The following DNAH9 variants were observed in gnomAD, a reference collection of about 807,000 sequenced individuals.
The protein encoded by DNAH9 is dynein axonemal heavy chain 9.
DNAH9 carries 345 observed loss-of-function variants against 471.6 expected under a neutral mutation model. The ratio of observed to expected loss-of-function variants is 0.73; its 90% CI spans 0.67 to 0.80. The LOEUF is 0.80. DNAH9 is among the 30% of genes least tolerant of loss of function. The probability of loss-of-function intolerance (pLI) is 0.00; values close to 1 mark genes in which losing one functional copy is unlikely to be tolerated. For synonymous variants in DNAH9, 2,093 were observed against 2,123.6 expected (o/e 0.99, Z 0.40); for missense variants, 5,407 against 5,609.2 (o/e 0.96, Z 1.15).
At chr17:11,656,052 T>C (rs1041897253) in intron 14 of DNAH9, among the ~76,000 whole-genome samples, 2 of 152,206 alleles carry the variant, frequency 1.3e-5, no homozygotes, top group Non-Finnish European at 2.9e-5. Context: ...TTTCATATAA[T>C]GACTTCTTTT....
intron 67 of DNAH9, among the ~76,000 whole-genome samples, chr17:11,959,177 CT>C (rs1975871980): frequency 6.6e-6 from 1 of 152,136 alleles, no homozygotes; most frequent in Non-Finnish European, 1.5e-5. Context: ...GAGGGACTGC[CT>C]GCTTTCTCTC....
chr17:11,924,928 T>A (rs80215677), intron 62 of DNAH9, among the ~76,000 whole-genome samples: 6,831 of 152,234 alleles, frequency 0.045, 284 homozygotes, highest in East Asian at 0.2. Flanking sequence ...CCAGCCTAAC[T>A]ACTACTAACT....
In DNAH9 at chr17:11,600,566, C is replaced by T. The variant is rs1338349694; in HGVS notation, c.417+1651C>T. 3.3e-5 allele frequency among the ~76,000 whole-genome samples: 5 copies of T among 152,322 alleles called. No individual in the cohort carries two copies. The South Asian group carries it at 1.0e-3, about 32-fold the overall frequency. Reference sequence around the variant, plus strand: ...AAAGAGATTGGAGACAAACAATGTTCATCAACAGGGGACTGGGTGACTGAA... The same window carrying T: ...AAAGAGATTGGAGACAAACAATGTTTATCAACAGGGGACTGGGTGACTGAA... On this transcript the variant is annotated intron_variant, in intron 1 of 68. Coordinates refer to ENST00000262442, the MANE Select transcript of DNAH9 (RefSeq NM_001372.4).
chr17:11,924,796 G>C (rs534440825), intron 62 of DNAH9, among the ~76,000 whole-genome samples: 1 of 151,618 alleles, frequency 6.6e-6, no homozygotes, highest in African/African-American at 2.4e-5. Flanking sequence ...GCTAATTTTT[G>C]TATTTTTAGT....
chr17:11,812,407 T>C (rs1195364864), intron 45 of DNAH9, among the ~76,000 whole-genome samples: 1 of 151,982 alleles, frequency 6.6e-6, no homozygotes, highest in Admixed American at 6.6e-5. Context: ...TATAGTAGTA[T>C]ATAGTCTATC....
At chr17:11,824,893 C>CTCCTTCTCCTCT (rs1423079483) in intron 48 of DNAH9, among the ~76,000 whole-genome samples, 2 of 150,710 alleles carry the variant, frequency 1.3e-5, no homozygotes, top group African/African-American at 4.8e-5. Flanking sequence ...CCTTCTCCTC[C>CTCCTTCTCCTCT]TCCTTCTCCT....
chr17:11,891,206 G>A (rs1973039225), intron 57 of DNAH9, among the ~76,000 whole-genome samples: 1 of 152,158 alleles, frequency 6.6e-6, no homozygotes, highest in South Asian at 2.1e-4. Flanking sequence ...CATGAGAAAG[G>A]AGGCTGCTTG....
chr17:11,900,503 CA>C lies in DNAH9; in HGVS notation c.11407-2200del, dbSNP rs71367356. Among the ~76,000 whole-genome samples the C allele has an allele frequency of 5.4e-3, 587 of 108,122 alleles. 11 individuals carry two copies. Among genetic ancestry groups the C allele is most frequent in the African/African-American group, 0.017 (523 of 30,590 alleles). The allele number at this position is 108,122 out of a possible 152,430, so 70.9% of individuals were successfully genotyped here. ...TAGCTCTTCTTGATCCTTCCCCTGC[CA>C]AAAAAAAAAAAAAAATTCCCTTTCC... On this transcript the variant is annotated intron_variant, in intron 59 of 68. Transcript: ENST00000262442.
intron 49 of DNAH9, among the ~76,000 whole-genome samples, chr17:11,843,513 A>G (rs1971100450): frequency 2.6e-5 from 4 of 151,886 alleles, no homozygotes; most frequent in Non-Finnish European, 5.9e-5. Flanking sequence ...TTGTAAGGAC[A>G]CTATTTCTCC....
At chr17:11,920,852 G>A (rs190080095) in intron 61 of DNAH9, among the ~76,000 whole-genome samples, 1 of 151,610 alleles carries the variant, frequency 6.6e-6, no homozygotes, top group African/African-American at 2.4e-5. Context: ...GTGAGAAAGG[G>A]GTTTTTAGTC....
intron 37 of DNAH9, 82 bp downstream of exon 37, chr17:11,768,708 C>T: frequency 2.0e-6 from 3 of 1,505,612 alleles, no homozygotes; most frequent in South Asian, 2.4e-5. Flanking sequence ...CCCCGCATGG[C>T]TATCTGAGCA....
rs1246351475 is a variant in DNAH9, at chr17:11,778,354, AAAAAAAAAG to A, written c.7553-2650_7553-2642del. On this transcript the variant is annotated intron_variant, in intron 38 of 68. Coordinates refer to ENST00000262442, the MANE Select transcript of DNAH9 (RefSeq NM_001372.4). ...CAAAAAAAAAAAAAAAAAAAAAAAA[AAAAAAAAAG>A]AAAAGGGAAGAAAAAAAAGAGAAAC... is the stretch of plus-strand genomic sequence containing the variant. 3.7e-3 allele frequency among the ~76,000 whole-genome samples: 512 copies of A among 137,582 alleles called. 9 individuals are homozygous for A. Among genetic ancestry groups the A allele is most frequent in the African/African-American group, 0.013 (479 of 36,004 alleles). 90.3% of individuals were successfully genotyped at this position (137,582 alleles called of 152,430 possible).
In DNAH9 at chr17:11,822,946, G is replaced by A; in HGVS notation, c.9158G>A (p.Ser3053Asn). ...CTGGAGTTCATCAGACTCTACCAGAGCTTGTTGCACAGGCACAGAAAAGAG... is the reference window on the plus strand; with the variant it reads ...CTGGAGTTCATCAGACTCTACCAGAACTTGTTGCACAGGCACAGAAAAGAG... ...SFLEFIRLYQSLLHRHRKELK... is the reference protein window; with the variant it reads ...SFLEFIRLYQNLLHRHRKELK... Residue 3053 changes from serine to asparagine, a missense_variant, in exon 48 of 69, where the codon AGC (serine) becomes AAC (asparagine). By Grantham distance (46) the Ser-to-Asn change is conservative. Coordinates refer to ENST00000262442, the MANE Select transcript of DNAH9 (RefSeq NM_001372.4). 6.2e-7 allele frequency: 1 copy of A among 1,614,194 alleles called. No individual in the cohort carries two copies. Among genetic ancestry groups the A allele is most frequent in the Non-Finnish European group, 8.5e-7 (1 of 1,180,038 alleles).
chr17:11,733,105 A>G (rs2075294469), intron 28 of DNAH9, among the ~76,000 whole-genome samples: 1 of 152,266 alleles, frequency 6.6e-6, no homozygotes, highest in South Asian at 2.1e-4. Flanking sequence ...CGAAGGCAAC[A>G]GACTTCAATC....
chr17:11,638,528 G>A (rs141325016), intron 9 of DNAH9, among the ~76,000 whole-genome samples: 4 of 152,286 alleles, frequency 2.6e-5, no homozygotes, highest in Non-Finnish European at 4.4e-5. Context: ...GGGATTACAG[G>A]TGCCTGCCAC....
At chr17:11,611,972 G>A in intron 4 of DNAH9, 192 bp downstream of exon 4, 1 of 630,876 alleles carries the variant, frequency 1.6e-6, no homozygotes, top group Non-Finnish European at 2.8e-6. Context: ...GCTGTTTGCA[G>A]TTCCACTGCT....
At chr17:11,920,386 C>T (rs556605194) in intron 61 of DNAH9, among the ~76,000 whole-genome samples, 4 of 151,180 alleles carry the variant, frequency 2.6e-5, no homozygotes, top group South Asian at 2.1e-4. Flanking sequence ...TTTGGGAGGC[C>T]GAGGTGGGCA....
At chr17:11,652,626 A>G in intron 13 of DNAH9, 135 bp from the exon 14 acceptor site, 1 of 850,548 alleles carries the variant, frequency 1.2e-6, no homozygotes, top group Non-Finnish European at 1.8e-6. Flanking sequence ...GAATATTCTG[A>G]CGATAATGAA....
At chr17:11,801,614 C>T (rs928164633) in intron 43 of DNAH9, among the ~76,000 whole-genome samples, 1 of 152,134 alleles carries the variant, frequency 6.6e-6, no homozygotes, top group Admixed American at 6.6e-5. Context: ...TCGCTTGAAC[C>T]CGGGAGGCAG....
Sources: gnomAD v4.1 joint callset for allele counts (sites outside exome capture counted in the v4.1 genomes callset) on GRCh38, gnomAD v4.1.1 for gene constraint, MANE v1.5 for transcripts, NCBI Gene and HGNC (gene_info 2026-07-23, HGNC 2026-07-21) for gene names.